PACRG: variants seen among roughly 807,000 people sequenced by gnomAD.
The protein encoded by PACRG is parkin coregulated gene protein.
In PACRG, 29 loss-of-function variants were observed where a neutral mutation model predicts 29.7. The ratio of observed to expected loss-of-function variants is 0.98; its 90% CI spans 0.73 to 1.33. The LOEUF (loss-of-function observed/expected upper bound fraction) is 1.33. PACRG is among the 40% of genes most tolerant of loss of function. PACRG has a pLI of 0.00. For synonymous variants in PACRG, 116 were observed against 118.7 expected (o/e 0.98, Z 0.15); for missense variants, 279 against 316.2 (o/e 0.88, Z 0.89).
chr6:163,121,729 G>A (rs1291209523), intron 4 of PACRG, among the ~76,000 whole-genome samples: 5 of 145,760 alleles, frequency 3.4e-5, no homozygotes, highest in African/African-American at 1.3e-4. Flanking sequence ...GCAGTGGCAC[G>A]ATCTCAGCTC....
chr6:163,017,546 T>C (rs1480988031), intron 2 of PACRG, among the ~76,000 whole-genome samples: 1 of 152,170 alleles, frequency 6.6e-6, no homozygotes, highest in Non-Finnish European at 1.5e-5. Flanking sequence ...TCCACACTTG[T>C]CTCTTGTAAG....
At chr6:163,260,296 G>T (rs961847318) in intron 4 of PACRG, among the ~76,000 whole-genome samples, 1 of 152,162 alleles carries the variant, frequency 6.6e-6, no homozygotes, top group African/African-American at 2.4e-5. Flanking sequence ...CATTTCCTGC[G>T]AGGGGAGCTC....
intron 2 of PACRG, among the ~76,000 whole-genome samples, chr6:162,948,673 A>G (rs1222412395): frequency 6.6e-6 from 1 of 152,114 alleles, no homozygotes; most frequent in Non-Finnish European, 1.5e-5. Context: ...CATGCAAGAA[A>G]CTCACAAGTC....
intron 1 of PACRG, among the ~76,000 whole-genome samples, chr6:162,740,038 T>G (rs973506423): frequency 2.0e-5 from 3 of 152,132 alleles, no homozygotes; most frequent in African/African-American, 7.2e-5. Context: ...ACCAAGACAG[T>G]ACCATCTATG....
chr6:163,153,547 T>G (rs1778189551), intron 4 of PACRG, among the ~76,000 whole-genome samples: 1 of 152,170 alleles, frequency 6.6e-6, no homozygotes, highest in Non-Finnish European at 1.5e-5. Flanking sequence ...ATTCTTGGAG[T>G]TTCTAAAAGG....
At chr6:162,813,102 T>C (rs1209691364) in intron 1 of PACRG, among the ~76,000 whole-genome samples, 1 of 152,022 alleles carries the variant, frequency 6.6e-6, no homozygotes, top group Non-Finnish European at 1.5e-5. Context: ...ATATCTAATA[T>C]GTGTATTGTA....
chr6:163,220,024 T>A (rs1454120018), intron 4 of PACRG, among the ~76,000 whole-genome samples: 1 of 152,190 alleles, frequency 6.6e-6, no homozygotes, highest in African/African-American at 2.4e-5. Flanking sequence ...AGTCATCATC[T>A]ACTATTTAAT....
At chr6:163,204,582 G>T (rs763599) in intron 4 of PACRG, among the ~76,000 whole-genome samples, 58,440 of 151,948 alleles carry the variant, frequency 0.38, 12,552 homozygotes, top group African/African-American at 0.59. Context: ...AACGAGGAGA[G>T]GTAGAACACA....
intron 2 of PACRG, chr6:163,042,689 C>A (rs535481994): frequency 3.8e-5 from 4 of 104,232 alleles, no homozygotes; most frequent in African/African-American, 1.2e-4. Context: ...ATTGTGAATA[C>A]TGTGTTTGCT....
chr6:162,841,433 G>C (rs936741487), intron 2 of PACRG, among the ~76,000 whole-genome samples: 4 of 152,018 alleles, frequency 2.6e-5, no homozygotes, highest in Non-Finnish European at 4.4e-5. Context: ...TGTGGGATCG[G>C]TGGTGATATC....
At chr6:162,886,728 G>A (rs1436821108) in intron 2 of PACRG, among the ~76,000 whole-genome samples, 1 of 152,130 alleles carries the variant, frequency 6.6e-6, no homozygotes, top group Non-Finnish European at 1.5e-5. Flanking sequence ...CACAAATCTA[G>A]AGGAGAGTGT....
At chr6:162,996,630 TC>T (rs1804083575) in intron 2 of PACRG, among the ~76,000 whole-genome samples, 1 of 152,132 alleles carries the variant, frequency 6.6e-6, no homozygotes, top group Non-Finnish European at 1.5e-5. Context: ...AATGAAGTAC[TC>T]ATGCCAAATT....
chr6:162,735,744 A>G (rs1780117846), intron 1 of PACRG, among the ~76,000 whole-genome samples: 1 of 152,108 alleles, frequency 6.6e-6, no homozygotes, highest in Non-Finnish European at 1.5e-5. Flanking sequence ...TTTTAAAGTT[A>G]CATACTTTGT....
chr6:162,882,001 G>A (rs1482868081), intron 2 of PACRG, among the ~76,000 whole-genome samples: 1 of 143,678 alleles, frequency 7.0e-6, no homozygotes, highest in Non-Finnish European at 1.5e-5. Flanking sequence ...AGACCCTGGG[G>A]CACTCTCCAC....
At chr6:162,976,123 G>GT (rs1240191698) in intron 2 of PACRG, among the ~76,000 whole-genome samples, 1 of 152,190 alleles carries the variant, frequency 6.6e-6, no homozygotes, top group Non-Finnish European at 1.5e-5. Context: ...CCCGGAGGCC[G>GT]TGAGTAGTGA....
At position 163,080,872 on chromosome 6, in the gene PACRG, A is replaced by AT. The variant is rs146917484; in HGVS notation, c.464-8381dup. Among the ~76,000 whole-genome samples the AT allele has an allele frequency of 7.5e-3, 1,136 of 152,156 alleles. 19 individuals carry two copies. Among genetic ancestry groups the AT allele is most frequent in the African/African-American group, 0.026 (1,074 of 41,552 alleles). ...TATATGTGTTGAGAGAAAAATCAAT[A>AT]TTTTTTGTATGACATTTACTTCAAG... On this transcript the variant is annotated intron_variant, in intron 3 of 4. Transcript: ENST00000366888.
chr6:162,876,950 G>A (rs1213107179), intron 2 of PACRG, among the ~76,000 whole-genome samples: 1 of 152,186 alleles, frequency 6.6e-6, no homozygotes, highest in Non-Finnish European at 1.5e-5. Flanking sequence ...AGGCTGGAGA[G>A]GATGTGGAGA....
chr6:162,892,040 C>G (rs1254897466), intron 2 of PACRG: 1 of 152,472 alleles, frequency 6.6e-6, no homozygotes, highest in African/African-American at 2.4e-5. Flanking sequence ...AAGGCCCCCC[C>G]TGCTCCTGGA....
At chr6:162,771,853 T>TAC (rs1271772679) in intron 1 of PACRG, among the ~76,000 whole-genome samples, 1 of 152,160 alleles carries the variant, frequency 6.6e-6, no homozygotes, top group African/African-American at 2.4e-5. Flanking sequence ...GCATGAAACA[T>TAC]TCTCTCGGAT....
Sources: gnomAD v4.1 joint callset for allele counts (sites outside exome capture counted in the v4.1 genomes callset) on GRCh38, gnomAD v4.1.1 for gene constraint, MANE v1.5 for transcripts, NCBI Gene and HGNC (gene_info 2026-07-23, HGNC 2026-07-21) for gene names.